The following LIPA variants were observed in gnomAD, a reference collection of about 807,000 sequenced individuals.
The protein encoded by LIPA is lipase A, lysosomal acid type, also known as lysosomal acid lipase/cholesteryl ester hydrolase.
A neutral mutation model predicts 40.6 loss-of-function variants in LIPA; 26 were observed. That is an observed-to-expected ratio of 0.64 (90% CI 0.47 to 0.89). LIPA has a LOEUF of 0.89. Ranked by LOEUF, LIPA falls within the 40% of genes least tolerant of loss-of-function variation. The probability of loss-of-function intolerance (pLI) is 0.00; values close to 1 mark genes in which losing one functional copy is unlikely to be tolerated. For missense variants in LIPA, 455 were observed against 479.6 expected, an observed-to-expected ratio of 0.95 and a Z score of 0.48; for synonymous variants, 188 against 168.4, an observed-to-expected ratio of 1.12 and a Z score of -0.90.
At chr10:89,323,703 A>C (rs2133534055) in intron 1 of LIPA, among the ~76,000 whole-genome samples, 1 of 152,294 alleles carries the variant, frequency 6.6e-6, no homozygotes, top group Admixed American at 6.5e-5. Flanking sequence ...AAAAAGAATA[A>C]AATACCTAGA....
chr10:89,325,753 T>G (rs1311144428), intron 1 of LIPA, among the ~76,000 whole-genome samples: 5 of 152,158 alleles, frequency 3.3e-5, no homozygotes, highest in African/African-American at 1.2e-4. Flanking sequence ...CTACCTATCA[T>G]GTACTATGCT....
chr10:89,277,830 C>T (rs1351858735), intron 1 of LIPA: 1 of 152,150 alleles, frequency 6.6e-6, no homozygotes, highest in Non-Finnish European at 1.5e-5. Context: ...GTAACTTTTA[C>T]TCTATGTTGT....
intron 2 of LIPA, among the ~76,000 whole-genome samples, chr10:89,361,923 C>A (rs1005883717): frequency 2.3e-4 from 21 of 90,404 alleles, no homozygotes; most frequent in African/African-American, 9.2e-4. Flanking sequence ...GAGACAGGAT[C>A]TCATTGTGTG....
intron 1 of LIPA, among the ~76,000 whole-genome samples, chr10:89,291,607 C>T (rs1332238218): frequency 6.6e-6 from 1 of 152,060 alleles, no homozygotes; most frequent in Non-Finnish European, 1.5e-5. Context: ...GACCTTTAGG[C>T]AGGACAGTGC....
chr10:89,361,277 T>G (rs1321784581), intron 2 of LIPA, among the ~76,000 whole-genome samples: 3 of 152,172 alleles, frequency 2.0e-5, no homozygotes, highest in African/African-American at 7.2e-5. Flanking sequence ...CTCTAAGAAA[T>G]AATTCTTTGT....
chr10:89,402,265 G>A (rs769452481), intron 2 of LIPA: 1 of 1,535,836 alleles, frequency 6.5e-7, no homozygotes, highest in African/African-American at 1.4e-5. Flanking sequence ...AAGAAAATCT[G>A]TTTTTGTTTT....
At chr10:89,225,352 C>G in intron 5 of LIPA, 124 bp from the exon 6 acceptor site, 1 of 1,138,172 alleles carries the variant, frequency 8.8e-7, no homozygotes, top group Non-Finnish European at 1.3e-6. Flanking sequence ...ACAATACCAC[C>G]AGCAGGAGCC....
intron 2 of LIPA, among the ~76,000 whole-genome samples, chr10:89,394,627 T>TAA (rs200724657): frequency 5.7e-5 from 2 of 35,096 alleles, no homozygotes; most frequent in Admixed American, 3.5e-4. Flanking sequence ...TATATATATA[T>TAA]AAAACTTGAA....
intron 2 of LIPA, among the ~76,000 whole-genome samples, chr10:89,357,795 A>C (rs1377877073): frequency 6.6e-6 from 1 of 152,220 alleles, no homozygotes; most frequent in African/African-American, 2.4e-5. Flanking sequence ...ATTTGAAAGC[A>C]TCAATGCTTG....
intron 1 of LIPA, among the ~76,000 whole-genome samples, chr10:89,321,710 CA>C (rs1843573106): frequency 6.6e-6 from 1 of 152,330 alleles, no homozygotes; most frequent in South Asian, 2.1e-4. Context: ...CCAGCCATCC[CA>C]TTACTGGGTA....
At chr10:89,266,317 CTG>C (rs1843236265) in intron 1 of LIPA, among the ~76,000 whole-genome samples, 1 of 116,682 alleles carries the variant, frequency 8.6e-6, no homozygotes, top group African/African-American at 3.9e-5. Flanking sequence ...AAGAAAATGA[CTG>C]TGTATTGGTA....
intron 2 of LIPA, among the ~76,000 whole-genome samples, chr10:89,377,200 T>G (rs921157179): frequency 4.6e-5 from 7 of 152,234 alleles, no homozygotes; most frequent in Non-Finnish European, 8.8e-5. Context: ...ATGTGAACAT[T>G]GTTTGATTGA....
intron 1 of LIPA, chr10:89,339,236 A>C (rs1427362193): frequency 6.2e-7 from 1 of 1,614,078 alleles, no homozygotes; most frequent in East Asian, 2.2e-5. Flanking sequence ...TTCTCTACTG[A>C]TGTTTTGAAG....
intron 2 of LIPA, chr10:89,392,670 C>A (rs757650815): frequency 7.4e-6 from 12 of 1,612,780 alleles, no homozygotes; most frequent in African/African-American, 4.0e-5. Context: ...AGGAGCCTGG[C>A]TAAGCAAAAC....
intron 1 of LIPA, among the ~76,000 whole-genome samples, chr10:89,290,008 G>T (rs1467092648): frequency 6.8e-6 from 1 of 147,164 alleles, no homozygotes; most frequent in Non-Finnish European, 1.5e-5. Flanking sequence ...GGGTGGGGGG[G>T]ACTCTGTATA....
intron 1 of LIPA, among the ~76,000 whole-genome samples, chr10:89,316,247 G>C (rs1843540849): frequency 6.6e-6 from 1 of 152,192 alleles, no homozygotes; most frequent in East Asian, 1.9e-4. Flanking sequence ...CCCACACAGT[G>C]TGGGCCAAAG....
intron 2 of LIPA, among the ~76,000 whole-genome samples, chr10:89,376,187 T>TA (rs66954730): frequency 0.89 from 91,143 of 102,484 alleles, 40,679 homozygotes; most frequent in South Asian, 0.93. Flanking sequence ...GACTCTATCT[T>TA]AAAAAAAAAA....
chr10:89,302,332 A>G (rs1308225440), intron 1 of LIPA, among the ~76,000 whole-genome samples: 1 of 152,108 alleles, frequency 6.6e-6, no homozygotes, highest in Non-Finnish European at 1.5e-5. Flanking sequence ...TCACACTGGC[A>G]AGCTTCCTAA....
chr10:89,409,413 G>T lies in LIPA; in HGVS notation c.61+3378C>A, dbSNP rs142145249. 6.1e-4 allele frequency among the ~76,000 whole-genome samples: 93 copies of T among 152,290 alleles called. 1 individual carries two copies. Among genetic ancestry groups the T allele is most frequent in the African/African-American group, 2.2e-3 (90 of 41,554 alleles). On this transcript the variant is annotated intron_variant, in intron 2 of 8. Coordinates refer to the LIPA transcript ENST00000371837. The stretch of plus-strand genomic sequence containing the variant: ...GCTTGTTATCAGTGTGGTTTACAAG[G>T]ACGCTTTAAAAAAGACTGTCCAAAC...
Sources: gnomAD v4.1 joint callset for allele counts (sites outside exome capture counted in the v4.1 genomes callset) on GRCh38, gnomAD v4.1.1 for gene constraint, MANE v1.5 for transcripts, NCBI Gene and HGNC (gene_info 2026-07-23, HGNC 2026-07-21) for gene names.